Variants in PIGK observed in about 807,000 individuals in gnomAD.
The protein encoded by PIGK is GPI-anchor transamidase.
In PIGK, 42 loss-of-function variants were observed where a neutral mutation model predicts 50.6. That is an observed-to-expected ratio of 0.83 (90% confidence interval 0.65 to 1.07). The LOEUF is 1.07. Ranked by LOEUF, PIGK falls within the 50% of genes least tolerant of loss-of-function variation. PIGK has a pLI of 0.00. For synonymous variants in PIGK, 151 were observed against 156.0 expected (o/e 0.97, Z 0.24); for missense variants, 448 against 488.7 (o/e 0.92, Z 0.78).
intron 10 of PIGK, among the ~76,000 whole-genome samples, chr1:77,101,357 TACCC>T (rs151154520): frequency 0.04 from 6,141 of 152,288 alleles, 326 homozygotes; most frequent in African/African-American, 0.13. Flanking sequence ...TCTATTCTCA[TACCC>T]CAGTAAGAAT....
At chr1:77,216,635 G>C (rs139668624) in intron 1 of PIGK, among the ~76,000 whole-genome samples, 10 of 151,866 alleles carry the variant, frequency 6.6e-5, no homozygotes, top group African/African-American at 2.4e-4. Context: ...GTGTGTGTGG[G>C]GGGGTGTGTG....
At chr1:77,212,294 C>T (rs12755514) in intron 1 of PIGK, among the ~76,000 whole-genome samples, 1 of 152,026 alleles carries the variant, frequency 6.6e-6, no homozygotes, top group Non-Finnish European at 1.5e-5. Flanking sequence ...CTATTACTTA[C>T]TAGGTGTATA....
intron 10 of PIGK, among the ~76,000 whole-genome samples, chr1:77,112,592 C>T (rs2100520700): frequency 6.6e-6 from 1 of 152,124 alleles, no homozygotes; most frequent in South Asian, 2.1e-4. Flanking sequence ...TTTTTCTTTC[C>T]TTTAACTAAG....
chr1:77,216,868 C>T (rs895141991), intron 1 of PIGK, among the ~76,000 whole-genome samples: 1 of 152,142 alleles, frequency 6.6e-6, no homozygotes, highest in Non-Finnish European at 1.5e-5. Context: ...TTACTTCTTT[C>T]AGACCTTAGT....
chr1:77,217,436 G>A (rs140142137), intron 1 of PIGK, among the ~76,000 whole-genome samples: 1 of 152,298 alleles, frequency 6.6e-6, no homozygotes, highest in Non-Finnish European at 1.5e-5. Flanking sequence ...AGCCTAACTA[G>A]AAGTTTGAAA....
intron 9 of PIGK, among the ~76,000 whole-genome samples, chr1:77,149,657 C>T (rs2100548274): frequency 1.3e-5 from 2 of 152,166 alleles, no homozygotes; most frequent in East Asian, 3.9e-4. Context: ...TAGTATAGCA[C>T]TTCAACACCC....
chr1:77,204,284 G>A (rs965238499), intron 3 of PIGK, among the ~76,000 whole-genome samples: 22 of 152,186 alleles, frequency 1.4e-4, no homozygotes, highest in African/African-American at 4.6e-4. Flanking sequence ...CTCCTGTAGC[G>A]CTCCCAGGCC....
At chr1:77,169,565 A>G (rs761615027) in intron 3 of PIGK, among the ~76,000 whole-genome samples, 170 bp from the exon 4 acceptor site, 11 of 150,396 alleles carry the variant, frequency 7.3e-5, no homozygotes, top group Non-Finnish European at 1.5e-4. Context: ...CTTGTGTACT[A>G]TATATTTTAA....
intron 10 of PIGK, among the ~76,000 whole-genome samples, chr1:77,109,404 A>T (rs1468145865): frequency 1.3e-5 from 2 of 152,328 alleles, no homozygotes; most frequent in East Asian, 3.9e-4. Context: ...CAAAAAGCTT[A>T]TCCACCATGA....
At chr1:77,173,193 C>A (rs1476825215) in intron 3 of PIGK, among the ~76,000 whole-genome samples, 1 of 152,138 alleles carries the variant, frequency 6.6e-6, no homozygotes, top group African/African-American at 2.4e-5. Context: ...AGATAACTTA[C>A]AATAGAACAT....
intron 10 of PIGK, among the ~76,000 whole-genome samples, chr1:77,096,607 A>C (rs184052287): frequency 1.7e-3 from 259 of 152,298 alleles, no homozygotes; most frequent in African/African-American, 6.0e-3. Flanking sequence ...CCATCTTACT[A>C]ATCAAGTTGA....
rs1312511756 is a variant in PIGK, at chr1:77,145,870, G to C, written c.986+8579C>G. The stretch of plus-strand genomic sequence containing the variant: ...AAATATTACAATGCAACAAAATAAA[G>C]TCCAGAAATAGACCCCCAAAACATG... On this transcript the variant is annotated intron_variant, in intron 9 of 10. Transcript: ENST00000370812. 3.3e-5 allele frequency among the ~76,000 whole-genome samples: 5 copies of C among 152,050 alleles called. No individual in the cohort carries two copies. The East Asian group carries it at 9.7e-4, about 29-fold the overall frequency.
chr1:77,188,682 C>T (rs1333261059), intron 3 of PIGK, among the ~76,000 whole-genome samples: 2 of 152,204 alleles, frequency 1.3e-5, no homozygotes, highest in Admixed American at 6.5e-5. Context: ...TAAAAACTTG[C>T]TGGTTTTTGT....
intron 3 of PIGK, among the ~76,000 whole-genome samples, chr1:77,197,486 T>G (rs1656062635): frequency 6.6e-6 from 1 of 152,192 alleles, no homozygotes; most frequent in Non-Finnish European, 1.5e-5. Flanking sequence ...GTCTGATTTC[T>G]TACTCTCTGC....
chr1:77,179,080 C>CTT (rs1035543295), intron 3 of PIGK, among the ~76,000 whole-genome samples: 19 of 152,318 alleles, frequency 1.2e-4, no homozygotes, highest in African/African-American at 4.6e-4. Flanking sequence ...AAAACTAAGA[C>CTT]TTTAAGGAAA....
At chr1:77,111,311 T>A (rs368117288) in intron 10 of PIGK, among the ~76,000 whole-genome samples, 2 of 152,156 alleles carry the variant, frequency 1.3e-5, no homozygotes, top group South Asian at 2.1e-4. Flanking sequence ...TGCACACATA[T>A]GTTTATTGTG....
intron 9 of PIGK, among the ~76,000 whole-genome samples, chr1:77,122,926 T>C (rs1302593855): frequency 6.6e-6 from 1 of 152,174 alleles, no homozygotes; most frequent in Admixed American, 6.5e-5. Flanking sequence ...TTTCACTTCC[T>C]TGAAGATGAA....
intron 10 of PIGK, among the ~76,000 whole-genome samples, chr1:77,114,259 T>A (rs573662605): frequency 1.3e-5 from 2 of 152,118 alleles, no homozygotes; most frequent in African/African-American, 4.8e-5. Flanking sequence ...AGATAGAAGA[T>A]CTTAGGCAAA....
At chr1:77,175,004 A>C (rs1175545005) in intron 3 of PIGK, among the ~76,000 whole-genome samples, 1 of 152,232 alleles carries the variant, frequency 6.6e-6, no homozygotes, top group African/African-American at 2.4e-5. Flanking sequence ...TTGAAGAAAA[A>C]TAGGACCTTA....
Sources: gnomAD v4.1 joint callset for allele counts (sites outside exome capture counted in the v4.1 genomes callset) on GRCh38, gnomAD v4.1.1 for gene constraint, MANE v1.5 for transcripts, NCBI Gene and HGNC (gene_info 2026-07-23, HGNC 2026-07-21) for gene names.